Variants in FOCAD observed in about 807,000 individuals in gnomAD.
The protein encoded by FOCAD is KIAA1797.
In FOCAD, 198 loss-of-function variants were observed where a neutral mutation model predicts 225.6. The ratio of observed to expected loss-of-function variants is 0.88; its 90% CI spans 0.78 to 0.99. The LOEUF is 0.99. Ranked by LOEUF, FOCAD falls within the 50% of genes least tolerant of loss-of-function variation. The probability of loss-of-function intolerance (pLI) is 0.00; values close to 1 mark genes in which losing one functional copy is unlikely to be tolerated. For synonymous variants in FOCAD, 897 were observed against 755.0 expected (o/e 1.19, Z -3.08); for missense variants, 2,713 against 2,123.6 (o/e 1.28, Z -5.46).
chr9:20,954,940 G>T (rs1364433902), intron 35 of FOCAD, among the ~76,000 whole-genome samples: 1 of 152,178 alleles, frequency 6.6e-6, no homozygotes, highest in Non-Finnish European at 1.5e-5. Flanking sequence ...AAATGGGATG[G>T]CCAAATGCGG....
intron 34 of FOCAD, among the ~76,000 whole-genome samples, chr9:20,952,266 C>G (rs760504981): frequency 5.9e-5 from 9 of 152,000 alleles, no homozygotes; most frequent in Non-Finnish European, 1.0e-4. Flanking sequence ...CATCTTATAC[C>G]CAGGTTCTTC....
intron 5 of FOCAD, among the ~76,000 whole-genome samples, chr9:20,752,865 G>GTTT (rs1828696139): frequency 1.3e-5 from 2 of 151,620 alleles, no homozygotes; most frequent in Non-Finnish European, 2.9e-5. Context: ...TCCTTGAAGA[G>GTTT]GTCCTTCACA....
intron 11 of FOCAD, among the ~76,000 whole-genome samples, chr9:20,795,784 G>GGA (rs1821017105): frequency 4.7e-5 from 2 of 42,408 alleles, no homozygotes; most frequent in Non-Finnish European, 7.8e-5. Flanking sequence ...ACTCTGTCTC[G>GGA]AAAAAAAAAA....
At chr9:20,869,534 A>G (rs796216886) in intron 18 of FOCAD, among the ~76,000 whole-genome samples, 1 of 152,194 alleles carries the variant, frequency 6.6e-6, no homozygotes, top group African/African-American at 2.4e-5. Context: ...GGATTGGCAG[A>G]TATCAGAACA....
intron 2 of FOCAD, among the ~76,000 whole-genome samples, chr9:20,672,584 G>C (rs988569168): frequency 3.3e-5 from 5 of 152,146 alleles, no homozygotes; most frequent in African/African-American, 9.7e-5. Context: ...CAGAGTAGCT[G>C]GGACAACAGG....
chr9:20,753,741 A>G (rs1441213302), intron 5 of FOCAD, among the ~76,000 whole-genome samples: 6 of 152,020 alleles, frequency 3.9e-5, no homozygotes, highest in African/African-American at 1.2e-4. Flanking sequence ...ACATGGCTAC[A>G]TAACAGTAAA....
Position 20,974,836 on chromosome 9 carries a change from C to T in FOCAD, c.4133-1584C>T, listed in dbSNP as rs529136230. Among the ~76,000 whole-genome samples, 32 of 152,214 alleles carry T rather than the reference C, an allele frequency of 2.1e-4. No individual in the cohort carries two copies. The South Asian group carries it at 3.3e-3, about 16-fold the overall frequency. On this transcript the variant is annotated intron_variant, in intron 35 of 43. Transcript: ENST00000338382. Reference sequence around the variant, plus strand: ...CTTCTCATTTCTGCTGCTGTTTTCACGTTTGCTGACTCTGGCTCCACATCT... The same window carrying T: ...CTTCTCATTTCTGCTGCTGTTTTCATGTTTGCTGACTCTGGCTCCACATCT...
chr9:20,986,533 C>A, intron 40 of FOCAD, 68 bp downstream of exon 40: 1 of 1,380,460 alleles, frequency 7.2e-7, no homozygotes, highest in South Asian at 1.5e-5. Flanking sequence ...TTAAGTTGCA[C>A]TTGAGTTCTC....
At chr9:20,765,745 C>G (rs1385218031) in intron 7 of FOCAD, among the ~76,000 whole-genome samples, 1 of 152,088 alleles carries the variant, frequency 6.6e-6, no homozygotes, top group African/African-American at 2.4e-5. Context: ...GAAAAAAAAT[C>G]CAGTTGCCCA....
intron 28 of FOCAD, among the ~76,000 whole-genome samples, 174 bp from the exon 29 acceptor site, chr9:20,944,453 G>C (rs1587686282): frequency 6.6e-6 from 1 of 152,130 alleles, no homozygotes; most frequent in Non-Finnish European, 1.5e-5. Flanking sequence ...TCATTTTGAG[G>C]GGAGAGGTAT....
intron 21 of FOCAD, among the ~76,000 whole-genome samples, chr9:20,892,756 T>C (rs1831728834): frequency 6.6e-6 from 1 of 152,172 alleles, no homozygotes; most frequent in Admixed American, 6.5e-5. Context: ...GAGGATTGAT[T>C]CCACCTTAGA....
At chr9:20,914,744 G>C (rs1483734442) in intron 23 of FOCAD, among the ~76,000 whole-genome samples, 2 of 152,052 alleles carry the variant, frequency 1.3e-5, no homozygotes, top group East Asian at 3.9e-4. Context: ...GAGTGAGATG[G>C]AGAAACATTG....
chr9:20,845,441 C>CTATATATATATATATA (rs1375298178), intron 15 of FOCAD, among the ~76,000 whole-genome samples: 5 of 48,016 alleles, frequency 1.0e-4, no homozygotes, highest in Non-Finnish European at 1.8e-4. Context: ...ATCTTTTCCT[C>CTATATATATATATATA]GATATATATA....
chr9:20,941,952 A>G (rs549810309), intron 28 of FOCAD, among the ~76,000 whole-genome samples: 2 of 152,346 alleles, frequency 1.3e-5, no homozygotes, highest in South Asian at 4.1e-4. Flanking sequence ...ACATTTTAAG[A>G]CTTAGAACAA....
chr9:20,918,422 C>G lies in FOCAD; in HGVS notation c.2852+1485C>G, dbSNP rs118061794. ...ATTCATGTTCTCATGGTATTACCTT[C>G]TCATCAAAACTTACAAAGTGGCCGG... On this transcript the variant is annotated intron_variant, in intron 24 of 43. Transcript: ENST00000338382. 2.9e-3 allele frequency among the ~76,000 whole-genome samples: 447 copies of G among 152,316 alleles called. 14 individuals carry two copies. The South Asian group carries it at 0.056, about 19-fold the overall frequency.
intron 15 of FOCAD, among the ~76,000 whole-genome samples, chr9:20,858,418 G>C (rs1472685019): frequency 6.6e-6 from 1 of 151,888 alleles, no homozygotes; most frequent in Admixed American, 6.6e-5. Context: ...TTGAATTTTT[G>C]TGGTATTGTA....
At chr9:20,866,888 CTTTTTTTTTTTTTTTTTTTT>C (rs10629839) in intron 17 of FOCAD, 21 bp from the exon 18 acceptor site, 2 of 342,130 alleles carry the variant, frequency 5.8e-6, no homozygotes, top group African/African-American at 7.2e-5. Flanking sequence ...TGTTTGCTTG[CTTTTTTTTTTTTTTTTTTTT>C]TTTTTTTTTA....
chr9:20,734,870 CA>C (rs1199805842), intron 4 of FOCAD, among the ~76,000 whole-genome samples: 1 of 152,112 alleles, frequency 6.6e-6, no homozygotes, highest in African/African-American at 2.4e-5. Context: ...TTCCTGGGCC[CA>C]AGCGATTCGC....
At position 20,669,669 on chromosome 9, in the gene FOCAD, G is replaced by A. The variant is rs182129733; in HGVS notation, c.-78+10843G>A. 1.1e-4 allele frequency among the ~76,000 whole-genome samples: 16 copies of A among 152,282 alleles called. No homozygotes were observed. The East Asian group carries it at 3.1e-3, about 29-fold the overall frequency. On this transcript the variant is annotated intron_variant, in intron 2 of 45. Transcript: ENST00000380249. ...AGCACCCTGTAATCCCAGCTACTCA[G>A]GAGGCTGAGGCATGAGAATCGCTTG... is the stretch of plus-strand genomic sequence containing the variant.
Sources: gnomAD v4.1 joint callset for allele counts (sites outside exome capture counted in the v4.1 genomes callset) on GRCh38, gnomAD v4.1.1 for gene constraint, MANE v1.5 for transcripts, NCBI Gene and HGNC (gene_info 2026-07-23, HGNC 2026-07-21) for gene names.